TBC1D22B: variants seen among roughly 807,000 people sequenced by gnomAD.
TBC1D22B encodes TBC1 domain family member 22B.
A neutral mutation model predicts 69.1 loss-of-function variants in TBC1D22B; 32 were observed. The ratio of observed to expected loss-of-function variants is 0.46; its 90% CI spans 0.35 to 0.62. The LOEUF (loss-of-function observed/expected upper bound fraction) is 0.62, where lower values mean the gene tolerates loss of function less well. Ranked by LOEUF, TBC1D22B falls within the 20% of genes least tolerant of loss-of-function variation. TBC1D22B has a pLI of 0.00. For missense variants in TBC1D22B, 462 were observed against 630.9 expected (o/e 0.73, Z 2.87); for synonymous variants, 206 against 229.8 (o/e 0.90, Z 0.94).
intron 12 of TBC1D22B, among the ~76,000 whole-genome samples, chr6:37,320,402 G>A (rs1054788271): frequency 2.0e-5 from 3 of 152,116 alleles, no homozygotes; most frequent in African/African-American, 7.2e-5. Flanking sequence ...TGAGAATAAA[G>A]AAACAAATAC....
chr6:37,258,049 C>T (rs1562033085), intron 1 of TBC1D22B, 76 bp downstream of exon 1: 2 of 1,529,268 alleles, frequency 1.3e-6, no homozygotes, highest in Non-Finnish European at 1.8e-6. Context: ...TCCCGCGGGC[C>T]TGGGGCGCCA....
At chr6:37,271,348 G>A (rs1332226824) in intron 2 of TBC1D22B, among the ~76,000 whole-genome samples, 1 of 152,040 alleles carries the variant, frequency 6.6e-6, no homozygotes, top group African/African-American at 2.4e-5. Flanking sequence ...ACAAAAAACG[G>A]TGGATACGTG....
At chr6:37,292,701 A>G (rs754430794) in intron 8 of TBC1D22B, among the ~76,000 whole-genome samples, 9 of 152,222 alleles carry the variant, frequency 5.9e-5, no homozygotes, top group Non-Finnish European at 8.8e-5. Flanking sequence ...TCTTGCTAAC[A>G]GTGTTATGCC....
rs1248687826 is a variant in TBC1D22B, at chr6:37,311,742, CTG to C, written c.983-1174_983-1173del. ...TACATTTTGTCTAATGCCTGTGTCT[CTG>C]TAGCACAAGGGATTGCAGTGAACAT... On this transcript the variant is annotated intron_variant, in intron 8 of 12. Coordinates refer to ENST00000373491, the MANE Select transcript of TBC1D22B (RefSeq NM_017772.4). 2.6e-5 allele frequency among the ~76,000 whole-genome samples: 4 copies of C among 152,208 alleles called. No individual in the cohort carries two copies. In the East Asian group the frequency reaches 7.7e-4, roughly 29 times the overall value.
In TBC1D22B at chr6:37,272,873, C is replaced by G. The variant is rs952288863; in HGVS notation, c.113+3223C>G. Reference sequence around the variant, plus strand: ...GCCTGCTTCTTTCATGCTCAAGAACCGTAATTTTGTTCAGATATTGAGTAA... The same window carrying G: ...GCCTGCTTCTTTCATGCTCAAGAACGGTAATTTTGTTCAGATATTGAGTAA... On this transcript the variant is annotated intron_variant, in intron 2 of 12. Coordinates refer to ENST00000373491, the MANE Select transcript of TBC1D22B (RefSeq NM_017772.4). Among the ~76,000 whole-genome samples, 12 of 152,108 alleles carry G rather than the reference C, an allele frequency of 7.9e-5. 1 individual carries two copies. Among genetic ancestry groups the G allele is most frequent in the Admixed American group, 6.5e-4 (10 of 15,274 alleles).
chr6:37,331,344 T>C lies in TBC1D22B; in HGVS notation c.*172T>C. ...ATCCACCACTCCATGTCTCTGGATG[T>C]GTCACTTGGACCACTGTCAGTATTC... On this transcript the variant is annotated 3_prime_UTR_variant, in exon 13 of 13. Coordinates refer to ENST00000373491, the MANE Select transcript of TBC1D22B (RefSeq NM_017772.4). 1.6e-6 allele frequency: 1 copy of C among 616,208 alleles called. No individual in the cohort carries two copies. Among genetic ancestry groups the C allele is most frequent in the Non-Finnish European group, 2.8e-6 (1 of 352,392 alleles). The allele number at this position is 616,208 out of a possible 1,614,324, so 38.2% of individuals were successfully genotyped here.
intron 8 of TBC1D22B, among the ~76,000 whole-genome samples, chr6:37,304,712 A>G (rs1443634330): frequency 1.3e-5 from 2 of 152,170 alleles, no homozygotes; most frequent in South Asian, 2.1e-4. Flanking sequence ...TTTTTAAACC[A>G]TAGACATAAA....
At chr6:37,316,240 G>A (rs1398678127) in intron 10 of TBC1D22B, among the ~76,000 whole-genome samples, 1 of 152,196 alleles carries the variant, frequency 6.6e-6, no homozygotes, top group Non-Finnish European at 1.5e-5. Context: ...CTTGAGTGGA[G>A]TTTGTGAGCC....
Position 37,282,355 on chromosome 6 carries a change from A to G in TBC1D22B, c.592A>G (p.Thr198Ala). The G allele has an allele frequency of 6.2e-7, 1 of 1,605,282 alleles. No individual in the cohort carries two copies. Among genetic ancestry groups the G allele is most frequent in the Non-Finnish European group, 8.5e-7 (1 of 1,175,234 alleles). Residue 198 changes from threonine to alanine, a missense_variant, in exon 4 of 13, where the codon ACT becomes GCT. This residue lies in a region of TBC1D22B where 237 missense variants were observed against 255.4 expected (regional missense o/e 0.93). Coordinates refer to ENST00000373491, the MANE Select transcript of TBC1D22B (RefSeq NM_017772.4). ...KFRQLLSSQN[T>A]DLDELRKCSW... is the part of the protein sequence containing the mutation. ...CCGTCAACTTCTCTCCAGCCAGAACACTGACTTAGGTGAGTCCCTGTGAGC... is the reference window on the plus strand; with the variant it reads ...CCGTCAACTTCTCTCCAGCCAGAACGCTGACTTAGGTGAGTCCCTGTGAGC...
chr6:37,315,352 T>A (rs1160763260), intron 10 of TBC1D22B, among the ~76,000 whole-genome samples: 2 of 150,750 alleles, frequency 1.3e-5, no homozygotes, highest in African/African-American at 4.9e-5. Flanking sequence ...AGCCCAGGAG[T>A]TCAAGACCAG....
intron 10 of TBC1D22B, among the ~76,000 whole-genome samples, chr6:37,315,888 A>G (rs1345159067): frequency 6.6e-6 from 1 of 152,202 alleles, no homozygotes. Context: ...ACCATTGTTA[A>G]TAGTTCTTCT....
At chr6:37,283,019 T>C in intron 5 of TBC1D22B, 67 bp downstream of exon 5, 3 of 1,408,090 alleles carry the variant, frequency 2.1e-6, no homozygotes, top group Non-Finnish European at 2.0e-6. Context: ...ATGAGGTTAG[T>C]CTGGACACAT....
intron 1 of TBC1D22B, among the ~76,000 whole-genome samples, chr6:37,269,320 C>G (rs1766406577): frequency 6.6e-6 from 1 of 152,208 alleles, no homozygotes; most frequent in African/African-American, 2.4e-5. Flanking sequence ...CTCTCCAGCT[C>G]TAAAGCCCGT....
chr6:37,296,718 GTCAAACATCGTA>G (rs1017329112), intron 8 of TBC1D22B, among the ~76,000 whole-genome samples: 3 of 152,014 alleles, frequency 2.0e-5, no homozygotes, highest in African/African-American at 7.2e-5. Flanking sequence ...AAATCTCAAT[GTCAAACATCGTA>G]TCATTTTATG....
chr6:37,322,570 G>C (rs1308245256), intron 12 of TBC1D22B, among the ~76,000 whole-genome samples: 1 of 152,186 alleles, frequency 6.6e-6, no homozygotes, highest in African/African-American at 2.4e-5. Context: ...AGGGAACAAG[G>C]CTGGAGCCTG....
chr6:37,267,039 T>C (rs1766300168), intron 1 of TBC1D22B, among the ~76,000 whole-genome samples: 1 of 144,826 alleles, frequency 6.9e-6, no homozygotes, highest in Non-Finnish European at 1.5e-5. Flanking sequence ...TGGGTTCAAG[T>C]AATCCTCTCA....
intron 8 of TBC1D22B, among the ~76,000 whole-genome samples, chr6:37,302,824 C>G (rs1433380860): frequency 1.3e-5 from 2 of 152,214 alleles, no homozygotes; most frequent in Admixed American, 6.5e-5. Flanking sequence ...ACCCAAGTAA[C>G]AGTTCCTTAA....
chr6:37,260,051 T>C (rs1424858834), intron 1 of TBC1D22B, among the ~76,000 whole-genome samples: 2 of 152,240 alleles, frequency 1.3e-5, no homozygotes, highest in Non-Finnish European at 1.5e-5. Flanking sequence ...TAGTTTTTAG[T>C]ACCTTACTTG....
At chr6:37,299,253 T>C (rs574495352) in intron 8 of TBC1D22B, among the ~76,000 whole-genome samples, 2 of 152,374 alleles carry the variant, frequency 1.3e-5, no homozygotes, top group African/African-American at 4.8e-5. Context: ...TTTTTTCTAA[T>C]GGATTATTGA....
Sources: allele counts gnomAD v4.1 joint callset (sites outside exome capture counted in the v4.1 genomes callset), GRCh38; gene constraint gnomAD v4.1.1; regional missense constraint gnomAD v4.1.1; transcripts MANE v1.5; gene names NCBI Gene and HGNC (gene_info 2026-07-23, HGNC 2026-07-21).